Variants in ADARB2 observed in about 807,000 individuals in gnomAD.
ADARB2 encodes adenosine deaminase RNA specific B2 (inactive).
In ADARB2, 25 loss-of-function variants were observed where a neutral mutation model predicts 62.2. The observed-to-expected ratio is 0.40, with a 90% confidence interval of 0.29 to 0.56. The LOEUF (loss-of-function observed/expected upper bound fraction) is 0.56. Among genes scored for constraint, ADARB2 ranks in the 20% least tolerant of loss-of-function variants. ADARB2 has a pLI of 0.43. For synonymous variants in ADARB2, 572 were observed against 500.8 expected (o/e 1.14, Z -1.90); for missense variants, 1,071 against 1,077.4 (o/e 0.99, Z 0.08).
intron 1 of ADARB2, among the ~76,000 whole-genome samples, chr10:1,528,132 G>A (rs1216299754): frequency 6.6e-6 from 1 of 152,228 alleles, no homozygotes; most frequent in African/African-American, 2.4e-5. Flanking sequence ...CGTGTCCGCG[G>A]CTGTGGGCTA....
At chr10:1,550,507 C>T (rs1213292412) in intron 1 of ADARB2, among the ~76,000 whole-genome samples, 4 of 152,210 alleles carry the variant, frequency 2.6e-5, no homozygotes, top group Non-Finnish European at 5.9e-5. Context: ...CAGCTAATGA[C>T]GCTCTCTAGT....
At chr10:1,688,173 G>A (rs1834620241) in intron 1 of ADARB2, among the ~76,000 whole-genome samples, 1 of 152,220 alleles carries the variant, frequency 6.6e-6, no homozygotes, top group African/African-American at 2.4e-5. Flanking sequence ...AGCCAGTGGG[G>A]ACCTGGGGGG....
At chr10:1,315,782 T>A (rs1831733870) in intron 3 of ADARB2, among the ~76,000 whole-genome samples, 2 of 152,256 alleles carry the variant, frequency 1.3e-5, no homozygotes, top group Non-Finnish European at 2.9e-5. Context: ...CCAATGATTT[T>A]TTATTATTTC....
intron 5 of ADARB2, among the ~76,000 whole-genome samples, chr10:1,241,132 G>A (rs117812543): frequency 0.048 from 7,301 of 152,286 alleles, 234 homozygotes; most frequent in East Asian, 0.088. Flanking sequence ...GGTGGTGAAC[G>A]CCTGTAGACC....
intron 1 of ADARB2, among the ~76,000 whole-genome samples, chr10:1,608,173 A>G (rs1291434157): frequency 1.3e-5 from 2 of 152,244 alleles, no homozygotes; most frequent in Non-Finnish European, 2.9e-5. Flanking sequence ...GTCTGTGCCA[A>G]CGTCTGGAGC....
intron 1 of ADARB2, among the ~76,000 whole-genome samples, chr10:1,690,593 A>ATTTTTC (rs1834656145): frequency 6.6e-6 from 1 of 152,116 alleles, no homozygotes; most frequent in Non-Finnish European, 1.5e-5. Context: ...AACTGGAAGG[A>ATTTTTC]GAGAAAGGCA....
intron 1 of ADARB2, among the ~76,000 whole-genome samples, chr10:1,422,633 T>C (rs775498981): frequency 3.9e-5 from 6 of 152,158 alleles, no homozygotes; most frequent in Non-Finnish European, 8.8e-5. Flanking sequence ...AAACCATGGA[T>C]ACCTACACAT....
At chr10:1,369,508 T>C (rs1403264500) in intron 2 of ADARB2, among the ~76,000 whole-genome samples, 1 of 152,164 alleles carries the variant, frequency 6.6e-6, no homozygotes, top group Non-Finnish European at 1.5e-5. Flanking sequence ...GTGTTCCCGC[T>C]GGCCAGCAGG....
At chr10:1,324,514 C>T (rs11250415) in intron 3 of ADARB2, among the ~76,000 whole-genome samples, 62,506 of 152,062 alleles carry the variant, frequency 0.41, 14,753 homozygotes, top group South Asian at 0.61. Flanking sequence ...AATGCTTAGA[C>T]GAATTGCAAT....
At chr10:1,595,088 C>T (rs1214468418) in intron 1 of ADARB2, among the ~76,000 whole-genome samples, 4 of 152,128 alleles carry the variant, frequency 2.6e-5, no homozygotes, top group East Asian at 1.9e-4. Flanking sequence ...GCACCTGGGG[C>T]GTGGCCTGAA....
chr10:1,227,719 A>G (rs1252291507), intron 6 of ADARB2, among the ~76,000 whole-genome samples: 3 of 152,226 alleles, frequency 2.0e-5, no homozygotes, highest in Admixed American at 6.5e-5. Context: ...TACCATCACA[A>G]GGGGGAGAGA....
intron 1 of ADARB2, among the ~76,000 whole-genome samples, chr10:1,549,999 A>G (rs562030308): frequency 2.0e-5 from 3 of 152,190 alleles, no homozygotes; most frequent in Non-Finnish European, 1.5e-5. Flanking sequence ...ACAACACACC[A>G]TATTGTTTAT....
chr10:1,609,020 A>C (rs940811944), intron 1 of ADARB2, among the ~76,000 whole-genome samples: 1 of 152,186 alleles, frequency 6.6e-6, no homozygotes, highest in African/African-American at 2.4e-5. Flanking sequence ...CTAATGCAGA[A>C]GGCTAGAAAG....
At chr10:1,601,661 G>A (rs571448453) in intron 1 of ADARB2, among the ~76,000 whole-genome samples, 2 of 152,254 alleles carry the variant, frequency 1.3e-5, no homozygotes, top group African/African-American at 4.8e-5. Context: ...AAAGCTGATC[G>A]GTGTCCAAGG....
intron 3 of ADARB2, among the ~76,000 whole-genome samples, chr10:1,288,863 G>C (rs1276791298): frequency 6.6e-6 from 1 of 152,176 alleles, no homozygotes; most frequent in Non-Finnish European, 1.5e-5. Flanking sequence ...CTAAACGCTG[G>C]TGTAAGCCAA....
chr10:1,378,991 T>A, intron 2 of ADARB2, 83 bp downstream of exon 2: 1 of 1,149,700 alleles, frequency 8.7e-7, no homozygotes, highest in Non-Finnish European at 1.3e-6. Flanking sequence ...ACCCCAGGTA[T>A]CTCAGGTTTT....
chr10:1,289,566 T>G (rs1831445639), intron 3 of ADARB2, among the ~76,000 whole-genome samples: 1 of 152,210 alleles, frequency 6.6e-6, no homozygotes, highest in Non-Finnish European at 1.5e-5. Flanking sequence ...ACCAGGGTGC[T>G]CCTGACGGGC....
chr10:1,406,928 A>C (rs1405005931), intron 1 of ADARB2, among the ~76,000 whole-genome samples: 1 of 152,110 alleles, frequency 6.6e-6, no homozygotes, highest in Non-Finnish European at 1.5e-5. Context: ...CCCTCGCCAG[A>C]AGCAGCCCAT....
rs140926791 is a variant in ADARB2 at position 1,477,102 on chromosome 10, G to A, written c.101-97942C>T. Among the ~76,000 whole-genome samples the A allele has an allele frequency of 3.7e-4, 57 of 152,182 alleles. No homozygotes were observed. The East Asian group carries it at 4.1e-3, about 11-fold the overall frequency. ...CCACGCAAGGGCACCCTCCCACTGC[G>A]CAGCACTGCCTCTCACTCATGGCTG... On this transcript the variant is annotated intron_variant, in intron 1 of 9. Transcript: ENST00000381312. The surrounding 1 kb of genome is among the most constrained non-coding windows in gnomAD (Gnocchi z 4.5).
Sources: allele counts gnomAD v4.1 joint callset (sites outside exome capture counted in the v4.1 genomes callset), GRCh38; gene constraint gnomAD v4.1.1; non-coding constraint Gnocchi (gnomAD v3.1); transcripts MANE v1.5; gene names NCBI Gene and HGNC (gene_info 2026-07-23, HGNC 2026-07-21).